Variants in RPH3A observed in about 807,000 individuals in gnomAD.
The protein encoded by RPH3A is rabphilin-3A.
Under a neutral mutation model 102.2 loss-of-function variants are expected in RPH3A, and 48 were observed. The observed-to-expected ratio is 0.47, with a 90% CI of 0.37 to 0.60. The LOEUF is 0.60. RPH3A is among the 20% of genes least tolerant of loss of function. RPH3A has a pLI of 0.00. For synonymous variants in RPH3A, 310 were observed against 324.3 expected, an observed-to-expected ratio of 0.96 and a Z score of 0.47; for missense variants, 781 against 910.1, an observed-to-expected ratio of 0.86 and a Z score of 1.83.
intron 1 of RPH3A, among the ~76,000 whole-genome samples, chr12:112,678,324 A>G (rs71442748): frequency 0.11 from 5,438 of 47,538 alleles, 1,678 homozygotes; most frequent in Middle Eastern, 0.23. Flanking sequence ...AGAGAAAGAA[A>G]GAAAGAAGGA....
In RPH3A at chr12:112,792,267, A is replaced by C. The variant is rs1412450352; in HGVS notation, c.-19+4A>C. The C allele has an allele frequency of 6.6e-6, 1 of 152,194 alleles. No homozygotes were observed. Among genetic ancestry groups the C allele is most frequent in the Admixed American group, 6.5e-5 (1 of 15,284 alleles). The allele number at this position is 152,194 out of a possible 1,614,324, so 9.4% of individuals were successfully genotyped here. On this transcript the variant is annotated splice_donor_region_variant and intron_variant, in intron 2 of 21. Transcript: ENST00000389385. ...CCTGCAAGCCTCCAGCGTCGCGGTA[A>C]GTGATATTCTCCCGGGTTGTGCAGA...
intron 1 of RPH3A, among the ~76,000 whole-genome samples, chr12:112,700,862 C>A (rs1350742075): frequency 6.6e-6 from 1 of 152,124 alleles, no homozygotes. Context: ...CAATCTTATC[C>A]ATTCTCATGT....
intron 17 of RPH3A, 34 bp downstream of exon 17, chr12:112,887,957 G>A: frequency 6.2e-7 from 1 of 1,608,578 alleles, no homozygotes; most frequent in Non-Finnish European, 8.5e-7. Context: ...CTGATGGGAG[G>A]AGGGGAGATT....
At chr12:112,666,608 T>G (rs2040085228) in intron 1 of RPH3A, among the ~76,000 whole-genome samples, 1 of 152,190 alleles carries the variant, frequency 6.6e-6, no homozygotes, top group Non-Finnish European at 1.5e-5. Flanking sequence ...CAAGTTTTTT[T>G]CTGGTCAAAG....
At chr12:112,653,094 TA>T (rs2039986796) in intron 1 of RPH3A, among the ~76,000 whole-genome samples, 1 of 151,990 alleles carries the variant, frequency 6.6e-6, no homozygotes, top group Admixed American at 6.6e-5. Context: ...AAATACAGTA[TA>T]AAAGATAAAT....
rs112691485 is a variant in RPH3A at position 112,863,874 on chromosome 12, C to T, written c.231-1540C>T. 9.4e-3 allele frequency among the ~76,000 whole-genome samples: 1,429 copies of T among 152,312 alleles called. 18 individuals carry two copies. Among genetic ancestry groups the T allele is most frequent in the African/African-American group, 0.032 (1,347 of 41,572 alleles). Reference sequence around the variant, plus strand: ...ATATGTGTGGGGAGTGAGCTGCTCTCGTTCATTCATTGATTTAACTAGCAT... The same window carrying T: ...ATATGTGTGGGGAGTGAGCTGCTCTTGTTCATTCATTGATTTAACTAGCAT... On this transcript the variant is annotated intron_variant, in intron 5 of 21. Transcript: ENST00000389385.
intron 1 of RPH3A, among the ~76,000 whole-genome samples, chr12:112,581,003 T>C (rs2039396976): frequency 6.6e-6 from 1 of 152,200 alleles, no homozygotes; most frequent in South Asian, 2.1e-4. Context: ...AAGTTCTTCG[T>C]GAGTGCTCTA....
intron 1 of RPH3A, among the ~76,000 whole-genome samples, chr12:112,659,535 C>T (rs2040035656): frequency 6.6e-6 from 1 of 152,298 alleles, no homozygotes; most frequent in Admixed American, 6.5e-5. Flanking sequence ...TTTGATCTGT[C>T]TCATTACTGA....
intron 1 of RPH3A, among the ~76,000 whole-genome samples, chr12:112,679,734 A>G (rs2040213723): frequency 6.6e-6 from 1 of 152,218 alleles, no homozygotes. Context: ...CCTACTTACC[A>G]GACTTTTAAT....
intron 21 of RPH3A, 36 bp downstream of exon 21, chr12:112,895,909 C>T: frequency 1.4e-6 from 2 of 1,423,384 alleles, no homozygotes; most frequent in Non-Finnish European, 9.9e-7. Flanking sequence ...ACGCCCTCTT[C>T]TGTCCTCCCC....
chr12:112,858,601 T>C (rs1565924059), intron 5 of RPH3A, among the ~76,000 whole-genome samples: 1 of 152,188 alleles, frequency 6.6e-6, no homozygotes, highest in Non-Finnish European at 1.5e-5. Context: ...TTATGGCAAT[T>C]TGCATGATTT....
chr12:112,591,381 C>T (rs1393858534), intron 1 of RPH3A, among the ~76,000 whole-genome samples: 1 of 152,254 alleles, frequency 6.6e-6, no homozygotes, highest in Admixed American at 6.5e-5. Context: ...TGAGCCACTG[C>T]ACTGGCCCTG....
At position 112,735,962 on chromosome 12, in the gene RPH3A, T is replaced by A. The variant is rs184530510; in HGVS notation, c.-139-56181T>A. On this transcript the variant is annotated intron_variant, in intron 1 of 21. Coordinates refer to the RPH3A transcript ENST00000543106. ...TTCCCTGGGAGGACATCCTGAGACA[T>A]GTTCTCTAAACGTGCCTTGCCCTTT... Among the ~76,000 whole-genome samples the A allele has an allele frequency of 1.2e-3, 182 of 152,326 alleles. 2 individuals are homozygous for A. The highest frequency in any genetic ancestry group is 4.0e-3 in the African/African-American group (167 of 41,568).
At chr12:112,695,797 C>A (rs1198647982) in intron 1 of RPH3A, among the ~76,000 whole-genome samples, 1 of 152,214 alleles carries the variant, frequency 6.6e-6, no homozygotes, top group Non-Finnish European at 1.5e-5. Context: ...ATCTCTATCC[C>A]AGGAGACCTG....
intron 2 of RPH3A, 45 bp from the exon 3 acceptor site, chr12:112,828,253 AGTG>A: frequency 7.9e-7 from 1 of 1,271,872 alleles, no homozygotes; most frequent in Non-Finnish European, 1.1e-6. Flanking sequence ...GGAACTAAGG[AGTG>A]GCTGAATGAT....
intron 1 of RPH3A, among the ~76,000 whole-genome samples, chr12:112,757,439 T>C (rs2040828987): frequency 6.6e-6 from 1 of 152,154 alleles, no homozygotes; most frequent in Non-Finnish European, 1.5e-5. Flanking sequence ...TATTATATAT[T>C]CTCAAATAAC....
intron 2 of RPH3A, among the ~76,000 whole-genome samples, chr12:112,802,408 T>C (rs2136105806): frequency 6.6e-6 from 1 of 152,316 alleles, no homozygotes; most frequent in Admixed American, 6.5e-5. Flanking sequence ...ATAAGCCTGC[T>C]TGAGAGTGAA....
chr12:112,575,406 G>A (rs891834994), intron 1 of RPH3A: 3 of 150,644 alleles, frequency 2.0e-5, no homozygotes, highest in East Asian at 2.0e-4. Context: ...GGGCTCCCGT[G>A]GGGGCGCGGC....
At chr12:112,621,015 T>A (rs916590228) in intron 1 of RPH3A, among the ~76,000 whole-genome samples, 17 of 151,912 alleles carry the variant, frequency 1.1e-4, no homozygotes, top group African/African-American at 3.1e-4. Flanking sequence ...TTATTATTTT[T>A]TTTTTTTTGT....
Sources: gnomAD v4.1 joint callset for allele counts (sites outside exome capture counted in the v4.1 genomes callset) on GRCh38, gnomAD v4.1.1 for gene constraint, MANE v1.5 for transcripts, NCBI Gene and HGNC (gene_info 2026-07-23, HGNC 2026-07-21) for gene names.